The following ANKFN1 variants were observed in gnomAD, a reference collection of about 807,000 sequenced individuals.
The protein encoded by ANKFN1 is ankyrin repeat and fibronectin type III domain containing 1.
ANKFN1 carries 74 observed loss-of-function variants against 108.7 expected under a neutral mutation model. That is an observed-to-expected ratio of 0.68 (90% CI 0.56 to 0.83). The LOEUF (loss-of-function observed/expected upper bound fraction) is 0.83. Ranked by LOEUF, ANKFN1 falls within the 40% of genes least tolerant of loss-of-function variation. The probability of loss-of-function intolerance (pLI) is 0.00; values close to 1 mark genes in which losing one functional copy is unlikely to be tolerated. For synonymous variants in ANKFN1, 547 were observed against 516.2 expected (o/e 1.06, Z -0.81); for missense variants, 1,505 against 1,382.3 (o/e 1.09, Z -1.41).
intron 3 of ANKFN1, among the ~76,000 whole-genome samples, chr17:56,264,567 G>T (rs554485718): frequency 3.3e-5 from 5 of 152,226 alleles, no homozygotes; most frequent in African/African-American, 1.2e-4. Context: ...CATGTTCCCT[G>T]TGCTTTTCAG....
chr17:56,130,567 T>C (rs1447488418), intron 4 of ANKFN1, among the ~76,000 whole-genome samples: 2 of 152,074 alleles, frequency 1.3e-5, no homozygotes, highest in African/African-American at 4.8e-5. Context: ...TCAGCAGTGA[T>C]GAATGCTAAT....
chr17:56,444,823 C>T (rs1046187271), intron 10 of ANKFN1, among the ~76,000 whole-genome samples: 17 of 152,112 alleles, frequency 1.1e-4, no homozygotes, highest in African/African-American at 4.1e-4. Flanking sequence ...CATGGCTGAA[C>T]CAGGACTCTA....
chr17:56,121,028 T>C (rs894040245), intron 4 of ANKFN1, among the ~76,000 whole-genome samples: 3 of 152,170 alleles, frequency 2.0e-5, no homozygotes, highest in Non-Finnish European at 4.4e-5. Flanking sequence ...TCCTCACTTA[T>C]AGCACTTAGT....
intron 3 of ANKFN1, among the ~76,000 whole-genome samples, chr17:56,304,485 C>T (rs1450271897): frequency 2.0e-5 from 3 of 152,024 alleles, no homozygotes; most frequent in Non-Finnish European, 2.9e-5. Context: ...AACCAAAGTC[C>T]TTATTTCTCT....
intron 4 of ANKFN1, among the ~76,000 whole-genome samples, chr17:56,349,895 T>C (rs1340902841): frequency 6.6e-6 from 1 of 152,148 alleles, no homozygotes; most frequent in African/African-American, 2.4e-5. Context: ...ATAATTACCT[T>C]GGCTAGTTAT....
At position 56,511,339 on chromosome 17, in the gene ANKFN1, C is replaced by T; in HGVS notation, c.*70C>T. 7.4e-7 allele frequency: 1 copy of T among 1,359,908 alleles called. No homozygotes were observed. The highest frequency in any genetic ancestry group is 9.8e-7 in the Non-Finnish European group (1 of 1,022,692). 84.2% of individuals were successfully genotyped at this position (1,359,908 alleles called of 1,614,324 possible). ...GTTTTACATCACCCTTACCCCCATC[C>T]TGCCCCACTGTGTACCCACTCATTT... On this transcript the variant is annotated 3_prime_UTR_variant, in exon 21 of 21. Coordinates refer to ENST00000682825, the MANE Select transcript of ANKFN1 (RefSeq NM_001370326.1).
At chr17:56,353,272 G>A (rs548382797) in intron 5 of ANKFN1, among the ~76,000 whole-genome samples, 55 of 147,252 alleles carry the variant, frequency 3.7e-4, no homozygotes, top group African/African-American at 1.2e-3. Context: ...GTCTCTCTCC[G>A]TTGTGCAGGC....
intron 4 of ANKFN1, among the ~76,000 whole-genome samples, chr17:56,122,430 T>G (rs1434828746): frequency 6.6e-6 from 1 of 152,236 alleles, no homozygotes; most frequent in Non-Finnish European, 1.5e-5. Flanking sequence ...TATATTTGTC[T>G]TGCTCTCTCA....
chr17:56,110,724 A>T (rs145465219), intron 4 of ANKFN1, among the ~76,000 whole-genome samples: 1 of 152,216 alleles, frequency 6.6e-6, no homozygotes, highest in African/African-American at 2.4e-5. Context: ...CCTTTAAACC[A>T]TGCTGCAGGT....
At chr17:56,066,540 T>C (rs967837821) in intron 4 of ANKFN1, among the ~76,000 whole-genome samples, 2 of 152,206 alleles carry the variant, frequency 1.3e-5, no homozygotes, top group African/African-American at 4.8e-5. Context: ...ATAAAATATA[T>C]TATTAAAATT....
At chr17:56,063,860 C>T (rs536413642) in intron 4 of ANKFN1, among the ~76,000 whole-genome samples, 43 of 152,058 alleles carry the variant, frequency 2.8e-4, no homozygotes, top group Non-Finnish European at 5.9e-4. Context: ...GCATTTTTTT[C>T]TTATCTTCAT....
chr17:56,399,534 G>A (rs2047686651), intron 8 of ANKFN1, among the ~76,000 whole-genome samples: 1 of 151,742 alleles, frequency 6.6e-6, no homozygotes, highest in African/African-American at 2.4e-5. Flanking sequence ...TCGGTTACAT[G>A]AGTAAGTTCT....
Position 56,066,209 on chromosome 17 carries a change from C to G in ANKFN1, c.288+19884C>G, listed in dbSNP as rs559722955. Among the ~76,000 whole-genome samples the G allele has an allele frequency of 1.0e-3, 159 of 152,342 alleles. 2 individuals are homozygous for G. The highest frequency in any genetic ancestry group is 3.5e-3 in the African/African-American group (145 of 41,568). ...AGATCACCTCCCATTCCTGGTAGTG[C>G]TCAAAGGCAAGTTCCTAAAGGAAGA... On this transcript the variant is annotated intron_variant, in intron 4 of 12. Transcript: ENST00000635860.
chr17:56,224,170 A>G (rs1416459871), intron 2 of ANKFN1, among the ~76,000 whole-genome samples: 2 of 152,248 alleles, frequency 1.3e-5, no homozygotes, highest in Non-Finnish European at 2.9e-5. Flanking sequence ...CAAAGCAAAG[A>G]GGAGATACAC....
chr17:56,233,602 A>G (rs571044729), intron 3 of ANKFN1, among the ~76,000 whole-genome samples: 1 of 152,158 alleles, frequency 6.6e-6, no homozygotes, highest in East Asian at 1.9e-4. Flanking sequence ...CCAGTTCTCC[A>G]GAACTACTAA....
chr17:56,166,274 A>G (rs1026076767), intron 1 of ANKFN1, among the ~76,000 whole-genome samples: 1 of 152,208 alleles, frequency 6.6e-6, no homozygotes, highest in African/African-American at 2.4e-5. Flanking sequence ...TGAATGTGAA[A>G]TGAATGAAGT....
intron 9 of ANKFN1, 51 bp from the exon 10 acceptor site, chr17:56,442,792 G>C: frequency 1.3e-6 from 2 of 1,531,872 alleles, no homozygotes; most frequent in Non-Finnish European, 9.0e-7. Flanking sequence ...TAGAGTCTAG[G>C]GTAAAAATGA....
At chr17:56,134,786 C>G (rs946691518) in intron 4 of ANKFN1, among the ~76,000 whole-genome samples, 2 of 152,154 alleles carry the variant, frequency 1.3e-5, no homozygotes, top group Non-Finnish European at 2.9e-5. Context: ...CTATTTTGTA[C>G]CCTAGTATAA....
At chr17:56,309,801 A>G (rs1310751379) in intron 3 of ANKFN1, among the ~76,000 whole-genome samples, 2 of 152,234 alleles carry the variant, frequency 1.3e-5, no homozygotes, top group Non-Finnish European at 2.9e-5. Context: ...AATACTTATA[A>G]CAATATTCTA....
Sources: allele counts gnomAD v4.1 joint callset (sites outside exome capture counted in the v4.1 genomes callset), GRCh38; gene constraint gnomAD v4.1.1; transcripts MANE v1.5; gene names NCBI Gene and HGNC (gene_info 2026-07-23, HGNC 2026-07-21).